Variants in SPTBN4 observed in about 807,000 individuals in gnomAD.
The protein encoded by SPTBN4 is spectrin beta chain, non-erythrocytic 4.
In SPTBN4, 96 loss-of-function variants were observed where a neutral mutation model predicts 277.8. The observed-to-expected ratio is 0.35, with a 90% CI of 0.29 to 0.41. The LOEUF is 0.41. Ranked by LOEUF, SPTBN4 falls within the 10% of genes least tolerant of loss-of-function variation. The probability of loss-of-function intolerance (pLI) is 1.00; values close to 1 mark genes in which losing one functional copy is unlikely to be tolerated. For synonymous variants in SPTBN4, 1,481 were observed against 1,580.3 expected (o/e 0.94, Z 1.49); for missense variants, 3,006 against 3,595.7 (o/e 0.84, Z 4.19).
chr19:40,512,979 T>C lies in SPTBN4; in HGVS notation c.2190T>C (p.Gly730=), dbSNP rs563121072. ...GCGAGGAGCTGGTTGCGGCCGGCGG[T>C]GCCGTCGGCCCGGGAGCAGACACCG... is the stretch of plus-strand genomic sequence containing the variant. ...RCGEELVAAG[G]AVGPGADTVH... is the part of the protein sequence containing the mutation. Residue 730 remains glycine, a synonymous_variant, in exon 14 of 36, where the codon GGT becomes GGC. Coordinates refer to ENST00000598249, the MANE Select transcript of SPTBN4 (RefSeq NM_020971.3). The C allele has an allele frequency of 1.6e-3, 2,276 of 1,412,764 alleles. 5 individuals are homozygous for C. Among genetic ancestry groups the C allele is most frequent in the Non-Finnish European group, 1.7e-3 (1,912 of 1,093,354 alleles). The allele number at this position is 1,412,764 out of a possible 1,614,324, so 87.5% of individuals were successfully genotyped here.
In SPTBN4 at chr19:40,467,158, A is replaced by C. The variant is rs1477902789; in HGVS notation, c.-163A>C. The stretch of plus-strand genomic sequence containing the variant: ...GCGAGAGAGGGAGGCGCGGCGGCGC[A>C]TGCGGATCTGGCTGAGCCGCGGGCC... On this transcript the variant is annotated 5_prime_UTR_variant, in exon 1 of 36. It removes an upstream start codon present in the reference 5' UTR. Coordinates refer to ENST00000598249, the MANE Select transcript of SPTBN4 (RefSeq NM_020971.3). The C allele has an allele frequency of 6.7e-6, 1 of 148,808 alleles. No individual in the cohort carries two copies. The highest frequency in any genetic ancestry group is 1.5e-5 in the Non-Finnish European group (1 of 66,496). The allele number at this position is 148,808 out of a possible 1,614,324, so 9.2% of individuals were successfully genotyped here.
At chr19:40,474,961 C>T (rs1434676360) in intron 2 of SPTBN4, among the ~76,000 whole-genome samples, 7 of 151,950 alleles carry the variant, frequency 4.6e-5, no homozygotes, top group African/African-American at 1.7e-4. Flanking sequence ...TGTGGAACTC[C>T]TGGGCTAAAA....
chr19:40,552,932 C>T (rs1170899823), intron 22 of SPTBN4, among the ~76,000 whole-genome samples: 1 of 152,168 alleles, frequency 6.6e-6, no homozygotes, highest in Admixed American at 6.5e-5. Flanking sequence ...TTGGTGCATG[C>T]AGACTCAGTT....
chr19:40,529,249 C>T lies in SPTBN4; in HGVS notation c.3948+118C>T, dbSNP rs954520450. On this transcript the variant is annotated intron_variant, in intron 18 of 35. Transcript: ENST00000598249. ...TAAGTGGGTCGCGGAGCGATGCTCG[C>T]TCTAAGCCGCCAGGGGGCGCGCGGA... The T allele has an allele frequency of 2.3e-5, 22 of 970,650 alleles. No homozygotes were observed. The Admixed American group carries it at 4.2e-4, about 19-fold the overall frequency. The allele number at this position is 970,650 out of a possible 1,614,324, so 60.1% of individuals were successfully genotyped here.
intron 21 of SPTBN4, 30 bp downstream of exon 21, chr19:40,549,443 G>A: frequency 7.8e-7 from 1 of 1,274,282 alleles, no homozygotes. Flanking sequence ...CTGGGGCGGG[G>A]CGGGGCGGGG....
chr19:40,476,504 A>T (rs62106999), intron 2 of SPTBN4, among the ~76,000 whole-genome samples: 1 of 152,214 alleles, frequency 6.6e-6, no homozygotes, highest in Admixed American at 6.6e-5. Flanking sequence ...TTAGAGCCTT[A>T]GAACCTTAAA....
At chr19:40,531,332 G>A (rs2080667712) in intron 18 of SPTBN4, among the ~76,000 whole-genome samples, 2 of 152,030 alleles carry the variant, frequency 1.3e-5, no homozygotes, top group South Asian at 4.2e-4. Context: ...GGAGTGTGAT[G>A]CTGTCCTGGA....
intron 22 of SPTBN4, among the ~76,000 whole-genome samples, chr19:40,551,423 C>A (rs2080917148): frequency 6.6e-6 from 1 of 151,520 alleles, no homozygotes; most frequent in Non-Finnish European, 1.5e-5. Flanking sequence ...ACACACACGT[C>A]CCCCAAAACA....
In SPTBN4 at chr19:40,502,740, G is replaced by A. The variant is rs377417831; in HGVS notation, c.1204-35G>A. 1.0e-4 allele frequency: 162 copies of A among 1,608,632 alleles called. No homozygotes were observed. The African/African-American group carries it at 1.7e-3, about 17-fold the overall frequency. Reference sequence around the variant, plus strand: ...CAAGACCATTAAACTGTGGGGAGCTGTCAGAGTCTGAGTGCCTCCTCCCAT... The same window carrying A: ...CAAGACCATTAAACTGTGGGGAGCTATCAGAGTCTGAGTGCCTCCTCCCAT... On this transcript the variant is annotated intron_variant, in intron 10 of 35. Coordinates refer to ENST00000598249, the MANE Select transcript of SPTBN4 (RefSeq NM_020971.3). The surrounding 1 kb of genome is among the most constrained non-coding windows in gnomAD (Gnocchi z 4.9).
intron 29 of SPTBN4, 142 bp from the exon 30 acceptor site, chr19:40,566,021 C>T: frequency 2.3e-6 from 2 of 882,598 alleles, no homozygotes; most frequent in Middle Eastern, 3.6e-4. Context: ...TAGCCCCAGC[C>T]TCTGCCATTC....
At chr19:40,530,673 G>T (rs2080656702) in intron 18 of SPTBN4, 1 of 744,000 alleles carries the variant, frequency 1.3e-6, no homozygotes. Flanking sequence ...GTGCCCGCCC[G>T]TCGTGGCCGC....
chr19:40,475,075 C>A (rs900410853), intron 2 of SPTBN4, among the ~76,000 whole-genome samples: 7 of 151,914 alleles, frequency 4.6e-5, no homozygotes, highest in Admixed American at 3.3e-4. Flanking sequence ...TTAGCAAAGA[C>A]CAGAGAACTT....
rs568260691 is a variant in SPTBN4, at chr19:40,532,189, G to C, written c.3949-436G>C. On this transcript the variant is annotated intron_variant, in intron 18 of 35. Coordinates refer to ENST00000598249, the MANE Select transcript of SPTBN4 (RefSeq NM_020971.3). ...GGCTCTTGAATTGGTCCTTATTGGG[G>C]GGTGGCTAAGATTGAATGAAGTGTC... Among the ~76,000 whole-genome samples the C allele has an allele frequency of 4.3e-3, 660 of 151,900 alleles. 3 individuals carry two copies. Among genetic ancestry groups the C allele is most frequent in the Non-Finnish European group, 6.9e-3 (472 of 67,928 alleles).
intron 35 of SPTBN4, among the ~76,000 whole-genome samples, chr19:40,574,016 G>A (rs922801981): frequency 3.3e-5 from 5 of 150,506 alleles, no homozygotes; most frequent in African/African-American, 1.2e-4. Flanking sequence ...GCAGAAGAAT[G>A]GCTTGAACCC....
At chr19:40,541,353 A>G (rs2080799797) in intron 20 of SPTBN4, among the ~76,000 whole-genome samples, 1 of 152,188 alleles carries the variant, frequency 6.6e-6, no homozygotes, top group Non-Finnish European at 1.5e-5. Context: ...AGGCTCCAGC[A>G]CGAGACTCCT....
intron 20 of SPTBN4, chr19:40,534,639 G>T (rs1331498053): frequency 2.5e-5 from 10 of 402,508 alleles, no homozygotes; most frequent in Non-Finnish European, 4.1e-5. Context: ...TCATTTCCTG[G>T]ATGGAGAAAC....
At chr19:40,507,329 TAAAAA>T (rs902306490) in intron 13 of SPTBN4, among the ~76,000 whole-genome samples, 1 of 142,064 alleles carries the variant, frequency 7.0e-6, no homozygotes, top group Non-Finnish European at 1.6e-5. Flanking sequence ...AAAAATAAAA[TAAAAA>T]AAAAAAAAGT....
At chr19:40,569,865 G>C (rs1420794988) in intron 32 of SPTBN4, 139 bp downstream of exon 32, 63 of 795,974 alleles carry the variant, frequency 7.9e-5, no homozygotes, top group Non-Finnish European at 1.1e-4. Flanking sequence ...TGGACTCTCA[G>C]GGTCCCCAGA....
At position 40,519,405 on chromosome 19, in the gene SPTBN4, A is replaced by C. The variant is rs2080496449; in HGVS notation, c.2908A>C (p.Asn970His). 1.3e-6 allele frequency: 2 copies of C among 1,563,796 alleles called. No individual in the cohort carries two copies. Among genetic ancestry groups the C allele is most frequent in the South Asian group, 2.4e-5 (2 of 83,632 alleles). ...CACTCTCTTTCCCCTGGGCAGGTGG[A>C]ACCGCATCGTGGAGCTAGTGGAACA... ...SCQDHLNSRW[N>H]RIVELVEQRK... is the part of the protein sequence containing the mutation. The change falls in exon 16 of 36, where the codon AAC (asparagine) becomes CAC (histidine). Residue 970 changes from asparagine (N) to histidine (H), a missense_variant. Physicochemically the swap from Asn to His is moderately conservative, Grantham distance 68. Coordinates refer to ENST00000598249, the MANE Select transcript of SPTBN4 (RefSeq NM_020971.3). The surrounding 1 kb of genome is among the most constrained non-coding windows in gnomAD (Gnocchi z 5.7).
Sources: gnomAD v4.1 joint callset for allele counts (sites outside exome capture counted in the v4.1 genomes callset) on GRCh38, gnomAD v4.1.1 for gene constraint, Gnocchi (gnomAD v3.1) non-coding constraint, MANE v1.5 for transcripts, NCBI Gene and HGNC (gene_info 2026-07-23, HGNC 2026-07-21) for gene names.